GRIN2B: variants seen among roughly 807,000 people sequenced by gnomAD.
GRIN2B encodes the protein glutamate ionotropic receptor NMDA type subunit 2B.
In GRIN2B, 5 loss-of-function variants were observed where a neutral mutation model predicts 114.5. That is an observed-to-expected ratio of 0.04 (90% CI 0.02 to 0.09). GRIN2B has a LOEUF of 0.09. Among genes scored for constraint, GRIN2B ranks in the 10% least tolerant of loss-of-function variants. The pLI is 1.00. For missense variants in GRIN2B, 1,108 were observed against 1,943.5 expected (o/e 0.57, Z 8.08); for synonymous variants, 787 against 745.1 (o/e 1.06, Z -0.92).
At chr12:13,726,693 G>T (rs1393091656) in intron 4 of GRIN2B, among the ~76,000 whole-genome samples, 1 of 149,578 alleles carries the variant, frequency 6.7e-6, no homozygotes, top group Non-Finnish European at 1.5e-5. Flanking sequence ...ATAGGTTTTT[G>T]GGGAACACAT....
chr12:13,754,552 T>C (rs940753642), intron 3 of GRIN2B, among the ~76,000 whole-genome samples: 42 of 149,018 alleles, frequency 2.8e-4, no homozygotes, highest in African/African-American at 1.0e-3. Context: ...GTATACGTAG[T>C]ATGAAATTGG....
At chr12:13,868,151 G>A (rs1865855318) in intron 2 of GRIN2B, among the ~76,000 whole-genome samples, 1 of 152,094 alleles carries the variant, frequency 6.6e-6, no homozygotes, top group Admixed American at 6.6e-5. Context: ...CTGCCAAGAA[G>A]GAGACCTGTA....
chr12:13,800,218 G>T (rs550984787), intron 3 of GRIN2B, among the ~76,000 whole-genome samples: 1 of 152,082 alleles, frequency 6.6e-6, no homozygotes, highest in Admixed American at 6.6e-5. Context: ...CAATTTTGAC[G>T]TTAAGGACCC....
At chr12:13,730,497 A>T (rs1418339487) in intron 4 of GRIN2B, among the ~76,000 whole-genome samples, 1 of 152,138 alleles carries the variant, frequency 6.6e-6, no homozygotes, top group African/African-American at 2.4e-5. Context: ...GTTTTTATAG[A>T]TGAAGAAGCA....
At chr12:13,693,958 A>G (rs903920849) in intron 4 of GRIN2B, among the ~76,000 whole-genome samples, 1 of 151,996 alleles carries the variant, frequency 6.6e-6, no homozygotes, top group Non-Finnish European at 1.5e-5. Flanking sequence ...TCTCAGATGC[A>G]CTCTCCTATA....
At chr12:13,678,844 C>G (rs1950101890) in intron 4 of GRIN2B, among the ~76,000 whole-genome samples, 1 of 152,080 alleles carries the variant, frequency 6.6e-6, no homozygotes, top group South Asian at 2.1e-4. Flanking sequence ...AGAATATAAG[C>G]ACTAATATAA....
intron 3 of GRIN2B, among the ~76,000 whole-genome samples, chr12:13,818,835 C>T (rs1440967052): frequency 3.9e-5 from 6 of 152,092 alleles, no homozygotes; most frequent in African/African-American, 1.4e-4. Flanking sequence ...TTGTGGCAGA[C>T]AAATCATCAT....
chr12:13,765,747 T>A (rs948430682), intron 3 of GRIN2B, among the ~76,000 whole-genome samples: 7 of 152,202 alleles, frequency 4.6e-5, no homozygotes, highest in Admixed American at 1.3e-4. Context: ...TTTTCTCCAT[T>A]TTACCAACAG....
At chr12:13,772,147 C>T (rs1184388642) in intron 3 of GRIN2B, among the ~76,000 whole-genome samples, 1 of 152,206 alleles carries the variant, frequency 6.6e-6, no homozygotes, top group Non-Finnish European at 1.5e-5. Context: ...AAGTCACGTT[C>T]TTCAGCTATT....
At chr12:13,691,453 G>A (rs1393256901) in intron 4 of GRIN2B, among the ~76,000 whole-genome samples, 2 of 152,158 alleles carry the variant, frequency 1.3e-5, no homozygotes, top group African/African-American at 2.4e-5. Flanking sequence ...TGAAAGCAAA[G>A]GAAGTTAATT....
chr12:13,794,089 T>C (rs901722025), intron 3 of GRIN2B, among the ~76,000 whole-genome samples: 6 of 143,550 alleles, frequency 4.2e-5, no homozygotes, highest in Admixed American at 2.8e-4. Context: ...TGTCGTAACA[T>C]GTGCCTGTGG....
intron 5 of GRIN2B, among the ~76,000 whole-genome samples, chr12:13,657,104 G>A (rs1455332188): frequency 1.3e-5 from 2 of 152,156 alleles, no homozygotes; most frequent in Non-Finnish European, 2.9e-5. Flanking sequence ...GGGCCTGGGA[G>A]TTGCTTTGCT....
intron 3 of GRIN2B, among the ~76,000 whole-genome samples, chr12:13,766,684 T>C: frequency 6.6e-6 from 1 of 152,256 alleles, no homozygotes; most frequent in East Asian, 1.9e-4. Flanking sequence ...TTGTCCTTTA[T>C]GAAGTCAGGC....
intron 3 of GRIN2B, among the ~76,000 whole-genome samples, chr12:13,800,231 C>A (rs1401676852): frequency 1.3e-5 from 2 of 152,136 alleles, no homozygotes; most frequent in Non-Finnish European, 2.9e-5. Flanking sequence ...AAGGACCCAT[C>A]CCAGTCTCTG....
intron 4 of GRIN2B, among the ~76,000 whole-genome samples, chr12:13,698,262 C>G (rs1031014202): frequency 1.3e-5 from 2 of 152,216 alleles, no homozygotes; most frequent in Non-Finnish European, 2.9e-5. Context: ...CATTTAGGAA[C>G]GTCTCCAAAT....
At chr12:13,777,040 C>T (rs960100285) in intron 3 of GRIN2B, among the ~76,000 whole-genome samples, 1 of 152,032 alleles carries the variant, frequency 6.6e-6, no homozygotes, top group Non-Finnish European at 1.5e-5. Context: ...GTTCTCAGAG[C>T]CAAGGGAATC....
At chr12:13,895,508 C>G (rs1250058280) in intron 2 of GRIN2B, among the ~76,000 whole-genome samples, 4 of 152,138 alleles carry the variant, frequency 2.6e-5, no homozygotes, top group Non-Finnish European at 4.4e-5. Context: ...AAAGTAGAGG[C>G]TAAAGCACGT....
At chr12:13,632,946 C>A (rs934559187) in intron 5 of GRIN2B, among the ~76,000 whole-genome samples, 2 of 152,150 alleles carry the variant, frequency 1.3e-5, no homozygotes, top group Admixed American at 1.3e-4. Context: ...TCTGTGGCAA[C>A]CTATTGATTT....
intron 2 of GRIN2B, among the ~76,000 whole-genome samples, chr12:13,917,758 T>C (rs1013868388): frequency 2.0e-5 from 3 of 152,254 alleles, no homozygotes; most frequent in African/African-American, 4.8e-5. Context: ...CCTATAATTT[T>C]TGGATGAAAA....
Sources: allele counts gnomAD v4.1 joint callset (sites outside exome capture counted in the v4.1 genomes callset), GRCh38; gene constraint gnomAD v4.1.1; transcripts MANE v1.5; gene names NCBI Gene and HGNC (gene_info 2026-07-23, HGNC 2026-07-21).